The following LGSN variants were observed in gnomAD, a reference collection of about 807,000 sequenced individuals.
The protein encoded by LGSN is lengsin.
In LGSN, 21 loss-of-function variants were observed where a neutral mutation model predicts 19.5. That is an observed-to-expected ratio of 1.07 (90% CI 0.76 to 1.55). The LOEUF (loss-of-function observed/expected upper bound fraction) is 1.55, where lower values mean the gene tolerates loss of function less well. LGSN is among the 40% of genes most tolerant of loss of function. The probability of loss-of-function intolerance (pLI) is 0.00; values close to 1 mark genes in which losing one functional copy is unlikely to be tolerated. For synonymous variants in LGSN, 257 were observed against 215.6 expected (o/e 1.19, Z -1.68); for missense variants, 673 against 608.5 (o/e 1.11, Z -1.12).
chr6:63,317,305 T>A (rs1363018875), intron 1 of LGSN, among the ~76,000 whole-genome samples: 1 of 152,206 alleles, frequency 6.6e-6, no homozygotes, highest in Non-Finnish European at 1.5e-5. Flanking sequence ...GTAGGCACTA[T>A]TAATGTCCCA....
At chr6:63,287,006 C>T (rs1389582787) in intron 2 of LGSN, among the ~76,000 whole-genome samples, 1 of 152,212 alleles carries the variant, frequency 6.6e-6, no homozygotes, top group African/African-American at 2.4e-5. Context: ...CCATCAATCT[C>T]TCACATCATT....
chr6:63,522,663 T>A, the LGSN span, among the ~76,000 whole-genome samples: 10 of 152,306 alleles, frequency 6.6e-5, no homozygotes, highest in Admixed American at 6.5e-4. Flanking sequence ...TAAGTTTTTA[T>A]CATTTTTTTC....
At chr6:63,521,928 T>C in the LGSN span, 1 of 152,236 alleles carries the variant, frequency 6.6e-6, no homozygotes, top group South Asian at 2.1e-4. Context: ...AATTCTCTTA[T>C]TTTACAAATG....
At chr6:63,550,360 C>T in the LGSN span, 2 of 152,072 alleles carry the variant, frequency 1.3e-5, no homozygotes, top group East Asian at 3.9e-4. Context: ...CTTGGGTCAC[C>T]ATTTGGTGAG....
the LGSN span, among the ~76,000 whole-genome samples, chr6:63,520,063 T>C: frequency 1.2e-4 from 18 of 152,320 alleles, no homozygotes; most frequent in East Asian, 2.5e-3. Context: ...ATTTTAAAAC[T>C]ACACATAAAT....
chr6:63,295,714 G>A (rs1339380592), intron 1 of LGSN, among the ~76,000 whole-genome samples: 1 of 152,104 alleles, frequency 6.6e-6, no homozygotes, highest in Non-Finnish European at 1.5e-5. Context: ...TCCTTGACAT[G>A]ACAGGATATG....
intron 1 of LGSN, among the ~76,000 whole-genome samples, chr6:63,297,220 A>G (rs1283494471): frequency 2.0e-5 from 3 of 151,982 alleles, no homozygotes. Context: ...CGTGCCTGTA[A>G]TCCCAGCTGT....
In LGSN at chr6:63,285,653, T is replaced by C; in HGVS notation, c.264A>G (p.Val88=). ...CGTGGAGGTCTGTTGCTTCAAATCG[T>C]ACAAACTGGAGGCGATTTTTGGCCA... The part of the protein sequence containing the change: ...QAMAKNRLQF[V]RFEATDLHGV... Residue 88 remains valine, a synonymous_variant, in exon 3 of 4, where the codon GTA becomes GTG. Transcript: ENST00000370657. The C allele has an allele frequency of 2.5e-6, 4 of 1,614,076 alleles. No homozygotes were observed. The highest frequency in any genetic ancestry group is 3.4e-6 in the Non-Finnish European group (4 of 1,179,946).
the LGSN span, among the ~76,000 whole-genome samples, chr6:63,479,863 T>C: frequency 1.3e-5 from 2 of 152,238 alleles, no homozygotes; most frequent in Non-Finnish European, 2.9e-5. Context: ...TATTTCCTAA[T>C]CATTCAGTCA....
At chr6:63,514,773 T>G in the LGSN span, among the ~76,000 whole-genome samples, 3 of 152,114 alleles carry the variant, frequency 2.0e-5, no homozygotes, top group Non-Finnish European at 4.4e-5. Context: ...CAATCACAGC[T>G]CACTACAGCC....
the LGSN span, among the ~76,000 whole-genome samples, chr6:63,467,237 G>A: frequency 6.6e-6 from 1 of 150,614 alleles, no homozygotes; most frequent in Non-Finnish European, 1.5e-5. Flanking sequence ...CTTTGAGGCA[G>A]TAAACAATAA....
the LGSN span, among the ~76,000 whole-genome samples, chr6:63,555,552 C>G: frequency 6.6e-6 from 1 of 151,654 alleles, no homozygotes; most frequent in Non-Finnish European, 1.5e-5. Context: ...CACAAAAAAT[C>G]TCTGTGCCTA....
chr6:63,486,283 G>A, the LGSN span, among the ~76,000 whole-genome samples: 1 of 152,044 alleles, frequency 6.6e-6, no homozygotes, highest in African/African-American at 2.4e-5. Context: ...GATAAGAATG[G>A]GAATTTGCCT....
the LGSN span, among the ~76,000 whole-genome samples, chr6:63,334,499 T>C: frequency 1.3e-5 from 2 of 152,090 alleles, no homozygotes; most frequent in Non-Finnish European, 1.5e-5. Flanking sequence ...TGCTCAAGAA[T>C]TGGAAAAATT....
chr6:63,483,953 C>T, the LGSN span, among the ~76,000 whole-genome samples: 1 of 151,854 alleles, frequency 6.6e-6, no homozygotes, highest in Non-Finnish European at 1.5e-5. Flanking sequence ...ACAGTTCAGC[C>T]CATAACATGC....
At chr6:63,400,242 G>A in the LGSN span, among the ~76,000 whole-genome samples, 4 of 152,202 alleles carry the variant, frequency 2.6e-5, no homozygotes, top group African/African-American at 9.7e-5. Context: ...CTTGGCAAAT[G>A]AGAAAACTTG....
the LGSN span, among the ~76,000 whole-genome samples, chr6:63,501,004 C>G: frequency 1.3e-5 from 2 of 152,104 alleles, no homozygotes. Context: ...GTTGGGATTA[C>G]AGGCGTGAGC....
chr6:63,329,233 C>T, the LGSN span, among the ~76,000 whole-genome samples: 2 of 152,192 alleles, frequency 1.3e-5, no homozygotes, highest in Non-Finnish European at 2.9e-5. Context: ...TATCCCTAAA[C>T]CCTTGGGGCA....
At chr6:63,344,151 A>G in the LGSN span, among the ~76,000 whole-genome samples, 1 of 152,222 alleles carries the variant, frequency 6.6e-6, no homozygotes, top group African/African-American at 2.4e-5. Context: ...CTTCCAAGTT[A>G]TAGAACTATG....
Sources: gnomAD v4.1 joint callset for allele counts (sites outside exome capture counted in the v4.1 genomes callset) on GRCh38, gnomAD v4.1.1 for gene constraint, MANE v1.5 for transcripts, NCBI Gene and HGNC (gene_info 2026-07-23, HGNC 2026-07-21) for gene names.